SUMF1: variants seen among roughly 807,000 people sequenced by gnomAD.
SUMF1 encodes formylglycine-generating enzyme.
In SUMF1, 48 loss-of-function variants were observed where a neutral mutation model predicts 47.6. The observed-to-expected ratio is 1.01, with a 90% CI of 0.80 to 1.28. SUMF1 has a LOEUF of 1.28. Among genes scored for constraint, SUMF1 ranks in the 50% most tolerant of loss-of-function variants. The pLI, the probability that SUMF1 is intolerant of heterozygous loss-of-function variation, is 0.00. For synonymous variants in SUMF1, 230 were observed against 192.1 expected (o/e 1.20, Z -1.63); for missense variants, 571 against 485.4 (o/e 1.18, Z -1.66).
intron 7 of SUMF1, among the ~76,000 whole-genome samples, chr3:4,391,852 G>C (rs1450879130): frequency 5.4e-5 from 8 of 147,660 alleles, no homozygotes; most frequent in African/African-American, 2.0e-4. Context: ...TTTTGAGATA[G>C]AGTCTTGCTC....
chr3:4,363,203 A>G (rs1699827208), intron 8 of SUMF1, among the ~76,000 whole-genome samples: 1 of 152,176 alleles, frequency 6.6e-6, no homozygotes, highest in East Asian at 1.9e-4. Flanking sequence ...ACACTAAGAC[A>G]CCATTTAATA....
intron 8 of SUMF1, among the ~76,000 whole-genome samples, chr3:4,293,156 T>C (rs890784201): frequency 1.1e-4 from 16 of 152,190 alleles, no homozygotes; most frequent in Middle Eastern, 3.2e-3. Context: ...AATTCAGAGC[T>C]GCCTGTTATG....
intron 2 of SUMF1, among the ~76,000 whole-genome samples, chr3:4,450,758 C>A (rs1416532107): frequency 1.3e-5 from 2 of 151,924 alleles, no homozygotes; most frequent in Non-Finnish European, 2.9e-5. Flanking sequence ...TGAGATGACT[C>A]AAGAATGAGA....
intron 8 of SUMF1, among the ~76,000 whole-genome samples, chr3:4,255,057 C>T (rs1696913120): frequency 6.7e-6 from 1 of 150,232 alleles, no homozygotes; most frequent in African/African-American, 2.4e-5. Flanking sequence ...TACAGACAAG[C>T]AAATGCTGAG....
intron 8 of SUMF1, among the ~76,000 whole-genome samples, chr3:4,139,849 C>G (rs1044541816): frequency 1.3e-5 from 2 of 151,916 alleles, no homozygotes; most frequent in African/African-American, 2.4e-5. Context: ...TGCAATGATT[C>G]CAGCCTACTC....
chr3:4,069,462 G>A (rs113628689), intron 8 of SUMF1, among the ~76,000 whole-genome samples: 179 of 152,212 alleles, frequency 1.2e-3, no homozygotes, highest in Non-Finnish European at 2.0e-3. Context: ...AAGTCTGCTG[G>A]GACAATGGAG....
chr3:4,338,271 C>A (rs781300475), intron 8 of SUMF1, among the ~76,000 whole-genome samples: 1 of 150,874 alleles, frequency 6.6e-6, no homozygotes, highest in Non-Finnish European at 1.5e-5. Flanking sequence ...GAGACCCTGT[C>A]TCTTTATTAA....
intron 8 of SUMF1, among the ~76,000 whole-genome samples, chr3:4,187,195 C>A (rs1335567721): frequency 2.6e-5 from 4 of 151,952 alleles, no homozygotes; most frequent in African/African-American, 4.8e-5. Flanking sequence ...CAAAGCAAGA[C>A]CCCATCTCTA....
rs114159329 is a variant in SUMF1 at position 4,069,559 on chromosome 3, T to C, written c.1015-814A>G. Among the ~76,000 whole-genome samples, 600 of 152,314 alleles carry C rather than the reference T, an allele frequency of 3.9e-3. 7 individuals are homozygous for C. The highest frequency in any genetic ancestry group is 0.014 in the African/African-American group (569 of 41,564). ...GCTACCTATTTGCATACAGCATTCATGATGCCCCATGAGCACATGTGTGGG... is the reference window on the plus strand; with the variant it reads ...GCTACCTATTTGCATACAGCATTCACGATGCCCCATGAGCACATGTGTGGG... On this transcript the variant is annotated intron_variant and NMD_transcript_variant, in intron 8 of 12. Transcript: ENST00000448413.
At chr3:4,182,718 G>C (rs1399495245) in intron 8 of SUMF1, among the ~76,000 whole-genome samples, 1 of 152,008 alleles carries the variant, frequency 6.6e-6, no homozygotes, top group East Asian at 1.9e-4. Context: ...AGATCTTATT[G>C]GACTTCAGGT....
rs899524823 is a variant in SUMF1 at position 4,316,103 on chromosome 3, G to C, written c.1014+60227C>G. ...TTTGCATTGTTGGAATTTGGTATTT[G>C]ATATTGGAATACATTCTTAAATGTG... On this transcript the variant is annotated intron_variant and NMD_transcript_variant, in intron 8 of 12. Transcript: ENST00000448413. 21 of 485,390 alleles carry C rather than the reference G, an allele frequency of 4.3e-5. No homozygotes were observed. In the East Asian group the frequency reaches 7.0e-4, roughly 16 times the overall value. The allele number at this position is 485,390 out of a possible 1,614,324, so 30.1% of individuals were successfully genotyped here.
intron 8 of SUMF1, among the ~76,000 whole-genome samples, chr3:4,134,537 C>G (rs932219254): frequency 6.6e-6 from 1 of 151,944 alleles, no homozygotes; most frequent in South Asian, 2.1e-4. Context: ...AAATTGACAC[C>G]CTAACATCAC....
chr3:4,341,458 C>T (rs930167895), intron 8 of SUMF1, among the ~76,000 whole-genome samples: 5 of 151,998 alleles, frequency 3.3e-5, no homozygotes, highest in Non-Finnish European at 5.9e-5. Context: ...TGAATGAATA[C>T]ATAGCTTTTC....
chr3:4,067,750 AG>A (rs1395816629), intron 9 of SUMF1, among the ~76,000 whole-genome samples: 1 of 152,166 alleles, frequency 6.6e-6, no homozygotes, highest in Non-Finnish European at 1.5e-5. Flanking sequence ...GATGTCCTGC[AG>A]GTGCCCAGCC....
intron 8 of SUMF1, among the ~76,000 whole-genome samples, chr3:4,133,606 G>C (rs1693844738): frequency 6.6e-6 from 1 of 152,064 alleles, no homozygotes; most frequent in Non-Finnish European, 1.5e-5. Context: ...TATACAGGTA[G>C]AAAAATGTGA....
Position 4,362,006 on chromosome 3 carries a change from T to A in SUMF1, c.*138A>T, listed in dbSNP as rs1699774909. 3.9e-6 allele frequency: 3 copies of A among 776,932 alleles called. No individual in the cohort carries two copies. Among genetic ancestry groups the A allele is most frequent in the Non-Finnish European group, 6.5e-6 (3 of 461,184 alleles). 48.1% of individuals were successfully genotyped at this position (776,932 alleles called of 1,614,324 possible). Reference sequence around the variant, plus strand: ...TCAGCAATTTGGTCTCACAAGGCGGTTCCTTTGGCCATTGGGCAGGTATGT... The same window carrying A: ...TCAGCAATTTGGTCTCACAAGGCGGATCCTTTGGCCATTGGGCAGGTATGT... On this transcript the variant is annotated 3_prime_UTR_variant, in exon 9 of 9. Coordinates refer to ENST00000272902, the MANE Select transcript of SUMF1 (RefSeq NM_182760.4).
At chr3:4,409,719 G>C (rs1701484091) in intron 7 of SUMF1, among the ~76,000 whole-genome samples, 1 of 152,188 alleles carries the variant, frequency 6.6e-6, no homozygotes, top group Non-Finnish European at 1.5e-5. Context: ...CCGCTGGAAA[G>C]TAAAAGAAAC....
chr3:4,302,981 G>A (rs1575066058), intron 8 of SUMF1, among the ~76,000 whole-genome samples: 3 of 152,140 alleles, frequency 2.0e-5, no homozygotes, highest in Non-Finnish European at 4.4e-5. Flanking sequence ...GCAAGCCGCA[G>A]ACCTTTAGAA....
intron 8 of SUMF1, among the ~76,000 whole-genome samples, chr3:4,355,085 C>A (rs1311838490): frequency 2.0e-5 from 3 of 152,210 alleles, no homozygotes; most frequent in Non-Finnish European, 4.4e-5. Context: ...CACAGTGGCT[C>A]ACGCCTGTAA....
Sources: gnomAD v4.1 joint callset for allele counts (sites outside exome capture counted in the v4.1 genomes callset) on GRCh38, gnomAD v4.1.1 for gene constraint, MANE v1.5 for transcripts, NCBI Gene and HGNC (gene_info 2026-07-23, HGNC 2026-07-21) for gene names.